DNAH8: variants seen among roughly 807,000 people sequenced by gnomAD.
DNAH8 encodes dynein axonemal heavy chain 8, also known as axonemal beta dynein heavy chain 8.
DNAH8 carries 382 observed loss-of-function variants against 562.1 expected under a neutral mutation model. The ratio of observed to expected loss-of-function variants is 0.68; its 90% confidence interval spans 0.63 to 0.74. The LOEUF is 0.74. DNAH8 is among the 30% of genes least tolerant of loss of function. The probability of loss-of-function intolerance (pLI) is 0.00; values close to 1 mark genes in which losing one functional copy is unlikely to be tolerated. For missense variants in DNAH8, 5,203 were observed against 5,620.4 expected, an observed-to-expected ratio of 0.93 and a Z score of 2.37; for synonymous variants, 1,881 against 1,919.4, an observed-to-expected ratio of 0.98 and a Z score of 0.52.
At chr6:38,719,937 C>T (rs1363847731) in intron 1 of DNAH8, among the ~76,000 whole-genome samples, 7 of 152,162 alleles carry the variant, frequency 4.6e-5, no homozygotes, top group Non-Finnish European at 8.8e-5. Flanking sequence ...GAAACAAATA[C>T]ACAATGTTAA....
Position 38,907,955 on chromosome 6 carries a change from G to T in DNAH8, c.9349-1G>T, listed in dbSNP as rs1554132747. 1 of 1,591,956 alleles carries T rather than the reference G, an allele frequency of 6.3e-7. No individual in the cohort carries two copies. On this transcript the variant is annotated splice_acceptor_variant, in intron 63 of 92. Coordinates refer to ENST00000327475, the MANE Select transcript of DNAH8 (RefSeq NM_001206927.2). LOFTEE classifies it high-confidence loss of function. The stretch of plus-strand genomic sequence containing the variant: ...AACACTTCCTTGTCCATTCCTTAAA[G>T]ATCTCCAACTTGTTTGCACGAGATG...
Position 38,845,767 on chromosome 6 carries a change from G to A in DNAH8, c.5039G>A (p.Ser1680Asn). Residue 1680 changes from serine (S) to asparagine (N), a missense_variant, in exon 36 of 93, where the codon AGC becomes AAC. Ser to Asn is a conservative substitution (Grantham distance 46, BLOSUM62 1). Around this residue, in one of 6 missense-constraint regions of DNAH8, gnomAD observed 2,176 missense variants for 2,365.1 expected, o/e 0.92. Transcript: ENST00000327475. Reference protein sequence around the residue: ...DSLMVLGSLLSNRYNAPFKKN... With the variant: ...DSLMVLGSLLNNRYNAPFKKN... Reference sequence around the variant, plus strand: ...TTAATGGTCTTAGGGTCTTTACTCAGCAACAGGTAATTTTATAATTTGAGA... The same window carrying A: ...TTAATGGTCTTAGGGTCTTTACTCAACAACAGGTAATTTTATAATTTGAGA... 1 of 1,609,718 alleles carries A rather than the reference G, an allele frequency of 6.2e-7. No individual in the cohort carries two copies. Among genetic ancestry groups the A allele is most frequent in the Non-Finnish European group, 8.5e-7 (1 of 1,176,428 alleles).
intron 88 of DNAH8, among the ~76,000 whole-genome samples, chr6:38,997,652 A>G (rs1291523017): frequency 1.3e-5 from 2 of 152,214 alleles, no homozygotes. Context: ...AAGACTCTCT[A>G]AGATATGCTG....
chr6:38,739,197 T>G lies in DNAH8; in HGVS notation c.1116+1225T>G, dbSNP rs144991964. Reference sequence around the variant, plus strand: ...TTAAATAATATTTTCCTGATATTAATCCTATGTTGGTCCCCATTGTGTCAT... The same window carrying G: ...TTAAATAATATTTTCCTGATATTAAGCCTATGTTGGTCCCCATTGTGTCAT... On this transcript the variant is annotated intron_variant, in intron 7 of 92. Transcript: ENST00000327475. 2.6e-3 allele frequency among the ~76,000 whole-genome samples: 402 copies of G among 152,320 alleles called. 2 individuals are homozygous for G. The highest frequency in any genetic ancestry group is 8.9e-3 in the African/African-American group (370 of 41,574).
At chr6:39,021,909 A>G (rs963268134) in intron 91 of DNAH8, among the ~76,000 whole-genome samples, 25 of 152,236 alleles carry the variant, frequency 1.6e-4, no homozygotes, top group Non-Finnish European at 3.4e-4. Context: ...CTTTTCTAAG[A>G]CCTTGTATGA....
intron 84 of DNAH8, among the ~76,000 whole-genome samples, chr6:38,974,102 G>A (rs968040522): frequency 7.9e-5 from 12 of 152,202 alleles, no homozygotes; most frequent in Admixed American, 2.6e-4. Flanking sequence ...TGTACCATAA[G>A]CATATTGTTT....
At chr6:38,963,326 G>T (rs1370754701) in intron 82 of DNAH8, among the ~76,000 whole-genome samples, 2 of 107,124 alleles carry the variant, frequency 1.9e-5, no homozygotes, top group Non-Finnish European at 3.6e-5. Flanking sequence ...GGAATTATTG[G>T]TGCAGACATT....
chr6:38,743,666 T>C (rs1239913414), intron 8 of DNAH8, among the ~76,000 whole-genome samples: 1 of 152,238 alleles, frequency 6.6e-6, no homozygotes, highest in Non-Finnish European at 1.5e-5. Context: ...CTTAGCATAA[T>C]GTTTTCAAGT....
At chr6:38,808,642 T>C (rs1269266640) in intron 24 of DNAH8, among the ~76,000 whole-genome samples, 2 of 152,264 alleles carry the variant, frequency 1.3e-5, no homozygotes, top group East Asian at 1.9e-4. Flanking sequence ...TATGCACACG[T>C]ATGTTTACTG....
chr6:38,822,771 A>G (rs1353959264), intron 26 of DNAH8, 67 bp from the exon 27 acceptor site: 2 of 1,180,234 alleles, frequency 1.7e-6, no homozygotes, highest in African/African-American at 3.1e-5. Flanking sequence ...AATCACAAAT[A>G]TTAAAACTGA....
intron 30 of DNAH8, among the ~76,000 whole-genome samples, chr6:38,831,227 C>T (rs1327609720): frequency 6.6e-6 from 1 of 151,970 alleles, no homozygotes; most frequent in East Asian, 1.9e-4. Flanking sequence ...GAGTTCCAGA[C>T]CAGCCTGGGC....
At chr6:38,753,433 T>G (rs1435021571) in intron 9 of DNAH8, among the ~76,000 whole-genome samples, 1 of 152,166 alleles carries the variant, frequency 6.6e-6, no homozygotes, top group Non-Finnish European at 1.5e-5. Context: ...AAATATGAAA[T>G]ACACATAATA....
At chr6:38,982,659 C>G (rs1354396703) in intron 86 of DNAH8, among the ~76,000 whole-genome samples, 197 bp downstream of exon 86, 2 of 152,188 alleles carry the variant, frequency 1.3e-5, no homozygotes, top group Non-Finnish European at 2.9e-5. Context: ...CTGAAGCTAA[C>G]TAACTCAGTG....
intron 3 of DNAH8, among the ~76,000 whole-genome samples, chr6:38,724,644 TGGA>T (rs1228054547): frequency 6.6e-6 from 1 of 152,178 alleles, no homozygotes; most frequent in African/African-American, 2.4e-5. Context: ...CTAACAGTTT[TGGA>T]TGATAAATTG....
Position 38,746,592 on chromosome 6 carries a change from A to G in DNAH8, c.1294-3884A>G, listed in dbSNP as rs184081272. On this transcript the variant is annotated intron_variant, in intron 8 of 92. Coordinates refer to ENST00000327475, the MANE Select transcript of DNAH8 (RefSeq NM_001206927.2). ...GATGAATTAATTTTTTCAGCCTTTT[A>G]TTGCTTTTGTCTTTCATGTATTGTT... Among the ~76,000 whole-genome samples the G allele has an allele frequency of 1.1e-4, 17 of 152,042 alleles. No individual in the cohort carries two copies. In the East Asian group the frequency reaches 3.1e-3, roughly 28 times the overall value.
At chr6:38,973,559 C>A in intron 83 of DNAH8, 102 bp from the exon 84 acceptor site, 1 of 846,336 alleles carries the variant, frequency 1.2e-6, no homozygotes, top group Non-Finnish European at 1.8e-6. Context: ...GTGTTCAAAA[C>A]AGAGTATTCA....
chr6:38,921,204 A>C (rs1271738319), intron 70 of DNAH8, among the ~76,000 whole-genome samples, 165 bp from the exon 71 acceptor site: 10 of 152,178 alleles, frequency 6.6e-5, no homozygotes, highest in African/African-American at 2.4e-4. Context: ...TTTAAAAGTA[A>C]TGAAATACCC....
intron 4 of DNAH8, among the ~76,000 whole-genome samples, chr6:38,731,680 T>A (rs1763664686): frequency 6.6e-6 from 1 of 152,230 alleles, no homozygotes; most frequent in Admixed American, 6.5e-5. Flanking sequence ...AGTACATTTA[T>A]CAGTTTGGTA....
intron 12 of DNAH8, among the ~76,000 whole-genome samples, chr6:38,773,730 A>G (rs2127627307): frequency 6.6e-6 from 1 of 152,312 alleles, no homozygotes; most frequent in South Asian, 2.1e-4. Flanking sequence ...AGGATTTTAC[A>G]TAATCCACAA....
Sources: allele counts gnomAD v4.1 joint callset (sites outside exome capture counted in the v4.1 genomes callset), GRCh38; gene constraint gnomAD v4.1.1; regional missense constraint gnomAD v4.1.1; transcripts MANE v1.5; gene names NCBI Gene and HGNC (gene_info 2026-07-23, HGNC 2026-07-21).